The following TUBGCP4 variants were observed in gnomAD, a reference collection of about 807,000 sequenced individuals.
The protein encoded by TUBGCP4 is gamma-tubulin complex component 4.
TUBGCP4 carries 54 observed loss-of-function variants against 91.6 expected under a neutral mutation model. The ratio of observed to expected loss-of-function variants is 0.59; its 90% CI spans 0.47 to 0.74. The LOEUF (loss-of-function observed/expected upper bound fraction) is 0.74, where lower values mean the gene tolerates loss of function less well. Ranked by LOEUF, TUBGCP4 falls within the 30% of genes least tolerant of loss-of-function variation. The pLI is 0.00. For missense variants in TUBGCP4, 593 were observed against 800.9 expected (o/e 0.74, Z 3.13); for synonymous variants, 297 against 302.8 (o/e 0.98, Z 0.20).
intron 9 of TUBGCP4, among the ~76,000 whole-genome samples, chr15:43,391,205 T>C (rs2044462838): frequency 6.6e-6 from 1 of 151,932 alleles, no homozygotes; most frequent in South Asian, 2.1e-4. Context: ...TTTCATTTTC[T>C]TTTTTTCCCC....
chr15:43,373,723 AC>A (rs1296353578), intron 1 of TUBGCP4, among the ~76,000 whole-genome samples: 2 of 145,378 alleles, frequency 1.4e-5, no homozygotes, highest in African/African-American at 5.2e-5. Context: ...ATCTCGGCTC[AC>A]TGCAAGCTCC....
chr15:43,404,929 C>T, intron 17 of TUBGCP4: 2 of 530,712 alleles, frequency 3.8e-6, no homozygotes, highest in Non-Finnish European at 6.6e-6. Context: ...CCCCTTCTAA[C>T]TCTAAACTTT....
intron 9 of TUBGCP4, among the ~76,000 whole-genome samples, chr15:43,392,075 T>TACACACACACAC (rs3986231): frequency 5.0e-4 from 67 of 133,180 alleles, no homozygotes; most frequent in African/African-American, 8.8e-4. Context: ...AAAATAGAGA[T>TACACACACACAC]ACACACACAC....
Position 43,406,713 on chromosome 15 carries a change from A to AATC in TUBGCP4, c.*1501_*1502insCAT, listed in dbSNP as rs1409492622. 7.3e-5 allele frequency: 31 copies of AATC among 427,402 alleles called. No homozygotes were observed. The highest frequency in any genetic ancestry group is 1.3e-4 in the Non-Finnish European group (29 of 217,070). The allele number at this position is 427,402 out of a possible 1,614,324, so 26.5% of individuals were successfully genotyped here. ...CTATTGTGACAATAATAATAATAATAATATTGGGTCTTTGACTAGAACGTG... is the reference window on the plus strand; with the variant it reads ...CTATTGTGACAATAATAATAATAATAATCATATTGGGTCTTTGACTAGAACGTG... On this transcript the variant is annotated 3_prime_UTR_variant, in exon 18 of 18. Transcript: ENST00000564079.
At position 43,401,768 on chromosome 15, in the gene TUBGCP4, C is replaced by T. The variant is rs2044686176; in HGVS notation, c.1649C>T (p.Thr550Ile). ...CAGCTGCTTCATCAGATCAATTCTA[C>T]CCGAGACTTTGAAAGCATCCGATTG... ...FSQLLHQINS[T>I]RDFESIRLAH... Residue 550 changes from threonine (T) to isoleucine (I), a missense_variant, in exon 15 of 18, where the codon ACC becomes ATC. Transcript: ENST00000564079. The T allele has an allele frequency of 1.2e-6, 2 of 1,614,102 alleles. No individual in the cohort carries two copies. Among genetic ancestry groups the T allele is most frequent in the Admixed American group, 1.7e-5 (1 of 60,028 alleles).
Position 43,403,773 on chromosome 15 carries a change from G to A in TUBGCP4, c.1822G>A (p.Ala608Thr). ...QNLGPLDERG[A>T]AQLSILVKGF... ...CCTAGGCCCACTGGATGAGCGTGGA[G>A]CCGCCCAGCTGAGCATTCTCGTGAA... Residue 608 changes from alanine (A) to threonine (T), a missense_variant, in exon 16 of 18, where the codon GCC (alanine) becomes ACC (threonine). Coordinates refer to ENST00000564079, the MANE Select transcript of TUBGCP4 (RefSeq NM_014444.5). 1 of 1,613,942 alleles carries A rather than the reference G, an allele frequency of 6.2e-7. No homozygotes were observed. The highest frequency in any genetic ancestry group is 8.5e-7 in the Non-Finnish European group (1 of 1,179,954).
At chr15:43,376,469 G>C in intron 2 of TUBGCP4, 34 bp from the exon 3 acceptor site, 1 of 1,614,192 alleles carries the variant, frequency 6.2e-7, no homozygotes. Flanking sequence ...CAGGGCCTGA[G>C]CTGAGAAGTT....
In TUBGCP4 at chr15:43,371,269, G is replaced by C; in HGVS notation, c.-86G>C. 7.3e-7 allele frequency: 1 copy of C among 1,369,228 alleles called. No individual in the cohort carries two copies. 84.8% of individuals were successfully genotyped at this position (1,369,228 alleles called of 1,614,324 possible). On this transcript the variant is annotated 5_prime_UTR_variant, in exon 1 of 18. Coordinates refer to ENST00000564079, the MANE Select transcript of TUBGCP4 (RefSeq NM_014444.5). ...CGACCCAGGGGCCGGTGCGCGTGTGGAAGGGGAAGCACTCCCCTCGTGGTC... is the reference window on the plus strand; with the variant it reads ...CGACCCAGGGGCCGGTGCGCGTGTGCAAGGGGAAGCACTCCCCTCGTGGTC...
intron 4 of TUBGCP4, chr15:43,377,615 AAAAAAAAAAAAAAG>A: frequency 5.8e-6 from 2 of 346,622 alleles, no homozygotes; most frequent in South Asian, 4.2e-5. Flanking sequence ...CTGTCTCAAA[AAAAAAAAAAAAAAG>A]AAAAAAGAAA....
chr15:43,388,881 C>T (rs994675404), intron 9 of TUBGCP4, among the ~76,000 whole-genome samples: 4 of 152,000 alleles, frequency 2.6e-5, no homozygotes, highest in Admixed American at 6.6e-5. Flanking sequence ...TATATTTATC[C>T]CTTTTGGGAT....
intron 17 of TUBGCP4, 120 bp from the exon 18 acceptor site, chr15:43,405,082 A>C: frequency 8.4e-7 from 1 of 1,183,496 alleles, no homozygotes; most frequent in Non-Finnish European, 1.2e-6. Context: ...GAAGAGTCAA[A>C]AGAAACTCTT....
chr15:43,383,290 C>A lies in TUBGCP4; in HGVS notation c.522-13C>A, dbSNP rs376484072. The A allele has an allele frequency of 4.0e-5, 65 of 1,607,930 alleles. No individual in the cohort carries two copies. In the African/African-American group the frequency reaches 6.3e-4, roughly 16 times the overall value. ...GCATGACTTCTGAGCCTCTTACTTT[C>A]TACTCTGCCCAGAATCCTGGCCGTT... On this transcript the variant is annotated splice_polypyrimidine_tract_variant and intron_variant, in intron 6 of 17. Transcript: ENST00000564079.
chr15:43,385,830 A>G lies in TUBGCP4; in HGVS notation c.763A>G (p.Lys255Glu). ...EEENMLAPSL[K>E]QFSLRVEILP... is the part of the protein sequence containing the mutation. ...AGAGAACATGCTGGCACCATCTCTGAAGCAGTTTTCCCTACGAGTGGAGAT... is the reference window on the plus strand; with the variant it reads ...AGAGAACATGCTGGCACCATCTCTGGAGCAGTTTTCCCTACGAGTGGAGAT... Residue 255 changes from lysine to glutamate, a missense_variant, in exon 8 of 18, where the codon AAG (lysine) becomes GAG (glutamate). Transcript: ENST00000564079. 6.2e-7 allele frequency: 1 copy of G among 1,614,120 alleles called. No homozygotes were observed. The highest frequency in any genetic ancestry group is 8.5e-7 in the Non-Finnish European group (1 of 1,180,012).
intron 1 of TUBGCP4, among the ~76,000 whole-genome samples, chr15:43,374,750 A>G (rs2044178075): frequency 6.6e-6 from 1 of 152,192 alleles, no homozygotes; most frequent in Non-Finnish European, 1.5e-5. Context: ...AATCGCTGAG[A>G]GGTGGAAGCA....
At chr15:43,388,412 A>G (rs2044415932) in intron 9 of TUBGCP4, among the ~76,000 whole-genome samples, 1 of 152,374 alleles carries the variant, frequency 6.6e-6, no homozygotes, top group Non-Finnish European at 1.5e-5. Context: ...GCTGTGAAGT[A>G]TCATTTGATT....
chr15:43,395,094 G>C lies in TUBGCP4; in HGVS notation c.1015-13G>C, dbSNP rs1269031932. On this transcript the variant is annotated splice_polypyrimidine_tract_variant and intron_variant, in intron 9 of 17. Transcript: ENST00000564079. ...AATGAAATTTGTCCCTGTTTTGTTG[G>C]TTGTTTTCATAGCATCTCTGGAAGT... The C allele has an allele frequency of 6.2e-7, 1 of 1,614,034 alleles. No homozygotes were observed. The highest frequency in any genetic ancestry group is 8.5e-7 in the Non-Finnish European group (1 of 1,179,946).
intron 12 of TUBGCP4, 64 bp downstream of exon 12, chr15:43,397,385 C>A: frequency 8.7e-7 from 1 of 1,145,484 alleles, no homozygotes; most frequent in Non-Finnish European, 1.3e-6. Context: ...CCCATCTCTG[C>A]TTCCATCCCC....
Position 43,407,674 on chromosome 15 carries a change from C to G in TUBGCP4, c.*2460C>G. On this transcript the variant is annotated 3_prime_UTR_variant, in exon 18 of 18. Coordinates refer to ENST00000564079, the MANE Select transcript of TUBGCP4 (RefSeq NM_014444.5). ...CCAATACATCCCACTCTGCACAAAC[C>G]AAAGCCCTATTATGTCAAACACACT... The G allele has an allele frequency of 8.7e-7, 1 of 1,143,264 alleles. No homozygotes were observed. The highest frequency in any genetic ancestry group is 1.6e-5 in the South Asian group (1 of 63,062). 70.8% of individuals were successfully genotyped at this position (1,143,264 alleles called of 1,614,324 possible). A position where few individuals can be genotyped will look rare whatever the true frequency, so the allele number is the denominator to read the frequency against.
rs2044685315 is a variant in TUBGCP4 at position 43,401,720 on chromosome 15, A to G, written c.1601A>G (p.Asp534Gly). ...ATTTTTTGTAATGTCTATCAGGTAG[A>G]TGTGTTGGAGTCTCAGTTCTCCCAG... is the stretch of plus-strand genomic sequence containing the variant. Reference protein sequence around the residue: ...VDNLQYYLQVDVLESQFSQLL... With the variant: ...VDNLQYYLQVGVLESQFSQLL... Residue 534 changes from aspartate to glycine, a missense_variant, in exon 15 of 18, where the codon GAT (aspartate) becomes GGT (glycine). Physicochemically the swap from Asp to Gly is moderately conservative, Grantham distance 94 (BLOSUM62 -1). Coordinates refer to ENST00000564079, the MANE Select transcript of TUBGCP4 (RefSeq NM_014444.5). 6.2e-7 allele frequency: 1 copy of G among 1,613,944 alleles called. No homozygotes were observed. The highest frequency in any genetic ancestry group is 8.5e-7 in the Non-Finnish European group (1 of 1,180,002).
Sources: gnomAD v4.1 joint callset for allele counts (sites outside exome capture counted in the v4.1 genomes callset) on GRCh38, gnomAD v4.1.1 for gene constraint, MANE v1.5 for transcripts, NCBI Gene and HGNC (gene_info 2026-07-23, HGNC 2026-07-21) for gene names.